ACSL1: variants seen among roughly 807,000 people sequenced by gnomAD.
ACSL1 encodes acyl-CoA synthetase long chain family member 1.
Under a neutral mutation model 98.4 loss-of-function variants are expected in ACSL1, and 41 were observed. That is an observed-to-expected ratio of 0.42 (90% CI 0.32 to 0.54). The LOEUF (loss-of-function observed/expected upper bound fraction) is 0.54, where lower values mean the gene tolerates loss of function less well. Ranked by LOEUF, ACSL1 falls within the 20% of genes least tolerant of loss-of-function variation. The pLI, the probability that ACSL1 is intolerant of heterozygous loss-of-function variation, is 0.13. For missense variants in ACSL1, 734 were observed against 883.1 expected, an observed-to-expected ratio of 0.83 and a Z score of 2.14; for synonymous variants, 316 against 322.7, an observed-to-expected ratio of 0.98 and a Z score of 0.22.
At chr4:184,808,254 C>CAA in intron 1 of ACSL1, 1 of 939,650 alleles carries the variant, frequency 1.1e-6, no homozygotes, top group African/African-American at 1.8e-5. Context: ...CACACACACA[C>CAA]ACACACTGCC....
At chr4:184,784,120 G>A in intron 3 of ACSL1, 129 bp from the exon 4 acceptor site, 1 of 688,656 alleles carries the variant, frequency 1.5e-6, no homozygotes, top group Non-Finnish European at 2.4e-6. Context: ...GATAAGAAAT[G>A]GTGGCTTCAG....
At chr4:184,780,311 C>G in intron 5 of ACSL1, 21 bp downstream of exon 5, 1 of 1,594,504 alleles carries the variant, frequency 6.3e-7, no homozygotes, top group East Asian at 2.2e-5. Flanking sequence ...TCATGCATAG[C>G]AAGTACCTAC....
At position 184,768,509 on chromosome 4, in the gene ACSL1, A is replaced by G. The variant is rs918637361; in HGVS notation, c.994-59T>C. 7.1e-6 allele frequency: 11 copies of G among 1,552,084 alleles called. No homozygotes were observed. In the East Asian group the frequency reaches 2.7e-4, roughly 38 times the overall value. On this transcript the variant is annotated intron_variant, in intron 11 of 20. Coordinates refer to ENST00000281455, the MANE Select transcript of ACSL1 (RefSeq NM_001995.5). Reference sequence around the variant, plus strand: ...CACCACAGCAGGGGTTACACAACATATGGACAACATCCAACATTTCAGTTT... The same window carrying G: ...CACCACAGCAGGGGTTACACAACATGTGGACAACATCCAACATTTCAGTTT...
intron 1 of ACSL1, among the ~76,000 whole-genome samples, chr4:184,815,719 A>G (rs1579968052): frequency 6.6e-6 from 1 of 152,182 alleles, no homozygotes; most frequent in East Asian, 1.9e-4. Context: ...CAGGACACAA[A>G]GACCTCTCTG....
chr4:184,793,227 C>A (rs1400189153), intron 2 of ACSL1, among the ~76,000 whole-genome samples: 3 of 151,852 alleles, frequency 2.0e-5, no homozygotes, highest in Non-Finnish European at 2.9e-5. Flanking sequence ...GTGAGTCAAA[C>A]CCACTACAGT....
In ACSL1 at chr4:184,788,750, G is replaced by A; in HGVS notation, c.196-19C>T. On this transcript the variant is annotated intron_variant, in intron 2 of 20. Transcript: ENST00000281455. ...CACTACCCTATCAAAAAAGAAAGGGGGGCAGGTTAGAAGGCAGTGAAACAT... is the reference window on the plus strand; with the variant it reads ...CACTACCCTATCAAAAAAGAAAGGGAGGCAGGTTAGAAGGCAGTGAAACAT... 1 of 1,603,922 alleles carries A rather than the reference G, an allele frequency of 6.2e-7. No homozygotes were observed. Among genetic ancestry groups the A allele is most frequent in the Non-Finnish European group, 8.5e-7 (1 of 1,170,926 alleles).
intron 1 of ACSL1, chr4:184,815,170 G>A: frequency 2.2e-6 from 1 of 453,442 alleles, no homozygotes; most frequent in South Asian, 1.6e-5. Flanking sequence ...TCCGAGGGAG[G>A]GCTGTCCAGA....
chr4:184,811,970 T>G (rs1184905680), intron 1 of ACSL1, among the ~76,000 whole-genome samples: 1 of 152,114 alleles, frequency 6.6e-6, no homozygotes. Context: ...GGGTGATTTG[T>G]GAGCAACCGG....
chr4:184,812,328 CA>C, intron 1 of ACSL1: 1 of 674,064 alleles, frequency 1.5e-6, no homozygotes, highest in Non-Finnish European at 1.8e-6. Flanking sequence ...CTGACCGTGT[CA>C]GACCCTCTGT....
At chr4:184,824,140 G>T (rs1179343367) in intron 1 of ACSL1, among the ~76,000 whole-genome samples, 1 of 152,102 alleles carries the variant, frequency 6.6e-6, no homozygotes, top group Non-Finnish European at 1.5e-5. Flanking sequence ...GTTTTGTTTT[G>T]TTTTTTACAG....
chr4:184,758,762 TTTC>T (rs1162892907), intron 18 of ACSL1: 18 of 152,294 alleles, frequency 1.2e-4, no homozygotes, highest in African/African-American at 4.1e-4. Context: ...CTAACAACTT[TTTC>T]TTTTTTTTTT....
In ACSL1 at chr4:184,760,480, G is replaced by A. The variant is rs545167920; in HGVS notation, c.1659C>T (p.Ile553=). The A allele has an allele frequency of 2.6e-5, 42 of 1,614,092 alleles. No homozygotes were observed. The Admixed American group carries it at 2.8e-4, about 11-fold the overall frequency. ...KWLPNGTLKI[I]DRKKHIFKLA... is the part of the protein sequence containing the mutation. ...GCTTAAATATGTGCTTTTTCCGGTC[G>A]ATAATTTTCAAGGTGCCATTCTGTT... is the stretch of plus-strand genomic sequence containing the variant. Residue 553 remains isoleucine, a synonymous_variant, in exon 18 of 21, where the codon ATC becomes ATT. Coordinates refer to ENST00000281455, the MANE Select transcript of ACSL1 (RefSeq NM_001995.5).
chr4:184,761,489 C>A (rs1762850425), intron 17 of ACSL1, among the ~76,000 whole-genome samples: 1 of 152,160 alleles, frequency 6.6e-6, no homozygotes, highest in Middle Eastern at 3.2e-3. Flanking sequence ...GATTACTGGT[C>A]AAACCAACAG....
intron 1 of ACSL1, among the ~76,000 whole-genome samples, chr4:184,816,120 G>GA (rs972529008): frequency 1.6e-3 from 222 of 134,862 alleles, no homozygotes; most frequent in Middle Eastern, 3.7e-3. Context: ...CCATCCAAAA[G>GA]AAAAAAAAAA....
chr4:184,788,573 A>C (rs1460338075), intron 3 of ACSL1, 44 bp downstream of exon 3: 1 of 1,487,828 alleles, frequency 6.7e-7, no homozygotes, highest in South Asian at 1.1e-5. Flanking sequence ...GTTCTTCATG[A>C]AACACGGCGA....
At chr4:184,764,798 C>G in intron 15 of ACSL1, 55 bp downstream of exon 15, 1 of 1,499,506 alleles carries the variant, frequency 6.7e-7, no homozygotes, top group African/African-American at 1.4e-5. Context: ...TCCAGACATA[C>G]CAATAACCCA....
Position 184,766,532 on chromosome 4 carries a change from C to G in ACSL1, c.1263+90G>C. 2.0e-6 allele frequency: 3 copies of G among 1,491,692 alleles called. No individual in the cohort carries two copies. Among genetic ancestry groups the G allele is most frequent in the Non-Finnish European group, 2.7e-6 (3 of 1,098,338 alleles). 92.4% of individuals were successfully genotyped at this position (1,491,692 alleles called of 1,614,324 possible). On this transcript the variant is annotated intron_variant, in intron 13 of 20. Coordinates refer to ENST00000281455, the MANE Select transcript of ACSL1 (RefSeq NM_001995.5). The surrounding 1 kb of genome is among the most constrained non-coding windows in gnomAD (Gnocchi z 4.8). ...AACATGTTATTCTCTCCCTTACCTT[C>G]ATCTCTCCCTCTCACAAAAAAGGCC...
chr4:184,762,362 A>G lies in ACSL1; in HGVS notation c.1638+45T>C, dbSNP rs764969019. 9.3e-6 allele frequency: 14 copies of G among 1,499,630 alleles called. No homozygotes were observed. The African/African-American group carries it at 1.4e-4, about 15-fold the overall frequency. The allele number at this position is 1,499,630 out of a possible 1,614,324, so 92.9% of individuals were successfully genotyped here. A position where few individuals can be genotyped will look rare whatever the true frequency, so the allele number is the denominator to read the frequency against. ...CAGTAGATAAGACATTTTCTTCCCC[A>G]CAGTGGAACTGAACTGTTTGTGACC... On this transcript the variant is annotated intron_variant, in intron 17 of 20. Transcript: ENST00000281455.
At chr4:184,760,904 GCA>G (rs1762769140) in intron 17 of ACSL1, among the ~76,000 whole-genome samples, 1 of 152,222 alleles carries the variant, frequency 6.6e-6, no homozygotes, top group African/African-American at 2.4e-5. Context: ...AAAGTGCTCT[GCA>G]CAGAGTAAGA....
Sources: gnomAD v4.1 joint callset for allele counts (sites outside exome capture counted in the v4.1 genomes callset) on GRCh38, gnomAD v4.1.1 for gene constraint, Gnocchi (gnomAD v3.1) non-coding constraint, MANE v1.5 for transcripts, NCBI Gene and HGNC (gene_info 2026-07-23, HGNC 2026-07-21) for gene names.